NTRK1: variants seen among roughly 807,000 people sequenced by gnomAD.
The protein encoded by NTRK1 is neurotrophic receptor tyrosine kinase 1, also known as high affinity nerve growth factor receptor.
A neutral mutation model predicts 86.8 loss-of-function variants in NTRK1; 62 were observed. The observed-to-expected ratio is 0.71, with a 90% CI of 0.58 to 0.88. The LOEUF is 0.88. Among genes scored for constraint, NTRK1 ranks in the 40% least tolerant of loss-of-function variants. The pLI is 0.00. For missense variants in NTRK1, 967 were observed against 1,078.4 expected (o/e 0.90, Z 1.45); for synonymous variants, 469 against 456.6 (o/e 1.03, Z -0.35).
upstream of NTRK1, chr1:156,858,903 G>A (rs1655507438): frequency 2.2e-6 from 1 of 453,906 alleles, no homozygotes; most frequent in Admixed American, 3.3e-5. Context: ...GAGAGTCTCG[G>A]GCCTCCAGAG....
chr1:156,853,938 A>G (rs748611336), intron 2 of NTRK1: 1 of 1,613,856 alleles, frequency 6.2e-7, no homozygotes, highest in Non-Finnish European at 8.5e-7. Flanking sequence ...TCAATGGTGG[A>G]GAGGTGGCAG....
intron 1 of NTRK1, among the ~76,000 whole-genome samples, chr1:156,863,660 TTGTGTG>T (rs35148211): frequency 6.7e-6 from 1 of 149,370 alleles, no homozygotes; most frequent in African/African-American, 2.5e-5. Flanking sequence ...GCAGAGATGT[TTGTGTG>T]TGTGTGTGTG....
chr1:156,832,701 C>T (rs1254292089), intron 1 of NTRK1, among the ~76,000 whole-genome samples: 9 of 152,178 alleles, frequency 5.9e-5, no homozygotes. Flanking sequence ...GAGCTTTGTG[C>T]TTACCTCATT....
intron 7 of NTRK1, 83 bp from the exon 8 acceptor site, chr1:156,873,550 T>C: frequency 8.2e-7 from 1 of 1,218,512 alleles, no homozygotes. Context: ...TTCTACTCGC[T>C]TTGCCCGTGG....
intron 2 of NTRK1, chr1:156,843,150 A>C: frequency 6.2e-7 from 1 of 1,614,056 alleles, no homozygotes; most frequent in Non-Finnish European, 8.5e-7. Flanking sequence ...AGCCCCTCAT[A>C]TACCATCCCA....
chr1:156,864,956 C>A, intron 3 of NTRK1, 157 bp downstream of exon 3: 1 of 739,272 alleles, frequency 1.4e-6, no homozygotes, highest in South Asian at 1.5e-5. Context: ...TCCCATCTCC[C>A]TCAGGGATGG....
At chr1:156,842,286 G>A (rs532005876) in intron 2 of NTRK1, 9 of 1,613,772 alleles carry the variant, frequency 5.6e-6, no homozygotes, top group Admixed American at 1.7e-5. Context: ...AGCCAAGATT[G>A]GGGGCTGGTG....
intron 1 of NTRK1, among the ~76,000 whole-genome samples, chr1:156,830,711 C>T (rs1229192747): frequency 3.9e-5 from 6 of 152,098 alleles, no homozygotes; most frequent in South Asian, 2.1e-4. Flanking sequence ...TGAACCACCA[C>T]GTCTGGCCAA....
intron 14 of NTRK1, among the ~76,000 whole-genome samples, chr1:156,878,651 G>T (rs1202198906): frequency 6.6e-6 from 1 of 152,192 alleles, no homozygotes; most frequent in African/African-American, 2.4e-5. Context: ...ACCTTCGAAA[G>T]GAAGGAAGAC....
chr1:156,875,976 T>C (rs2102916541), intron 12 of NTRK1, 104 bp from the exon 13 acceptor site: 1 of 1,569,338 alleles, frequency 6.4e-7, no homozygotes, highest in Non-Finnish European at 8.8e-7. Flanking sequence ...CAGTCCCTCG[T>C]CTGGGCAGCC....
chr1:156,844,099 C>T, intron 2 of NTRK1: 1 of 1,064,254 alleles, frequency 9.4e-7, no homozygotes, highest in Non-Finnish European at 1.4e-6. Flanking sequence ...ACTGTCTCAT[C>T]TACCTCCCTT....
intron 1 of NTRK1, among the ~76,000 whole-genome samples, chr1:156,838,242 A>T (rs1207843021): frequency 6.6e-6 from 1 of 151,980 alleles, no homozygotes; most frequent in Non-Finnish European, 1.5e-5. Context: ...GGGGTAGGGT[A>T]TGAGATCCAT....
At chr1:156,840,927 G>T in intron 1 of NTRK1, 1 of 1,614,122 alleles carries the variant, frequency 6.2e-7, no homozygotes. Context: ...TGGGTGAGGA[G>T]TCAGGCTCTG....
intron 1 of NTRK1, among the ~76,000 whole-genome samples, chr1:156,861,690 A>G (rs1655660246): frequency 6.6e-6 from 1 of 151,950 alleles, no homozygotes; most frequent in Non-Finnish European, 1.5e-5. Flanking sequence ...TTCCATTTTT[A>G]CCATTCCTTC....
intron 2 of NTRK1, among the ~76,000 whole-genome samples, chr1:156,847,514 T>C (rs1289698842): frequency 2.0e-5 from 3 of 152,114 alleles, no homozygotes; most frequent in Non-Finnish European, 4.4e-5. Flanking sequence ...TGATAATTTG[T>C]TTCTTTGGAC....
At chr1:156,876,682 A>G (rs1294128137) in intron 14 of NTRK1, 110 bp downstream of exon 14, 15 of 1,344,420 alleles carry the variant, frequency 1.1e-5, no homozygotes, top group African/African-American at 1.4e-5. Flanking sequence ...GACACCAAGA[A>G]AGATCAGGAA....
In NTRK1 at chr1:156,876,437, TC is replaced by T; in HGVS notation, c.1672del (p.Gln558SerfsTer100). ...GCGTCCGAGAGTGCTCGGCAGGACT[TC>T]CAGCGTGAGGCTGAGCTGCTCACCA... ...KEASESARQD[F>X]QREAELLTML... On this transcript the variant is annotated frameshift_variant, in exon 14 of 17. Coordinates refer to ENST00000524377, the MANE Select transcript of NTRK1 (RefSeq NM_002529.4). LOFTEE classifies it high-confidence loss of function. 2 of 1,613,858 alleles carry T rather than the reference TC, an allele frequency of 1.2e-6. No individual in the cohort carries two copies. Among genetic ancestry groups the T allele is most frequent in the South Asian group, 1.1e-5 (1 of 91,074 alleles).
At chr1:156,842,772 A>G (rs556174254) in intron 2 of NTRK1, among the ~76,000 whole-genome samples, 48 of 152,216 alleles carry the variant, frequency 3.2e-4, no homozygotes, top group African/African-American at 1.1e-3. Context: ...TGGACACCCA[A>G]TATTGAGCCC....
chr1:156,869,845 C>A (rs904948391), intron 6 of NTRK1, among the ~76,000 whole-genome samples: 1 of 152,218 alleles, frequency 6.6e-6, no homozygotes, highest in Non-Finnish European at 1.5e-5. Context: ...CTGTGCCCAC[C>A]CAAAAAGCTG....
Sources: allele counts gnomAD v4.1 joint callset (sites outside exome capture counted in the v4.1 genomes callset), GRCh38; gene constraint gnomAD v4.1.1; transcripts MANE v1.5; gene names NCBI Gene and HGNC (gene_info 2026-07-23, HGNC 2026-07-21).